Variants in TBC1D4 observed in about 807,000 individuals in gnomAD.
The protein encoded by TBC1D4 is TBC (Tre-2, BUB2, CDC16) domain-containing protein.
A neutral mutation model predicts 142.5 loss-of-function variants in TBC1D4; 121 were observed. The observed-to-expected ratio is 0.85, with a 90% CI of 0.73 to 0.99. TBC1D4 has a LOEUF of 0.99. TBC1D4 is among the 50% of genes least tolerant of loss of function. TBC1D4 has a pLI of 0.00. For synonymous variants in TBC1D4, 630 were observed against 628.2 expected (o/e 1.00, Z -0.04); for missense variants, 1,475 against 1,606.6 (o/e 0.92, Z 1.40).
chr13:75,343,924 T>C (rs1880935159), intron 5 of TBC1D4, among the ~76,000 whole-genome samples: 1 of 152,212 alleles, frequency 6.6e-6, no homozygotes, highest in Admixed American at 6.5e-5. Flanking sequence ...CACTGCAACC[T>C]CTGCCTCCTG....
chr13:75,390,624 C>G (rs901133873), intron 1 of TBC1D4, among the ~76,000 whole-genome samples: 1 of 152,018 alleles, frequency 6.6e-6, no homozygotes, highest in Non-Finnish European at 1.5e-5. Context: ...GCCTTGCTAA[C>G]AGTAATTCCT....
In TBC1D4 at chr13:75,284,864, G is replaced by A. The variant is rs1205990579; in HGVS notation, c.*1928C>T. 6.6e-6 allele frequency: 1 copy of A among 152,122 alleles called. No individual in the cohort carries two copies. The highest frequency in any genetic ancestry group is 2.4e-5 in the African/African-American group (1 of 41,430). The allele number at this position is 152,122 out of a possible 1,614,324, so 9.4% of individuals were successfully genotyped here. A position where few individuals can be genotyped will look rare whatever the true frequency, so the allele number is the denominator to read the frequency against. On this transcript the variant is annotated 3_prime_UTR_variant, in exon 21 of 21. Coordinates refer to ENST00000377636, the MANE Select transcript of TBC1D4 (RefSeq NM_014832.5). ...TGAACACCATAATATAACTCTTAAT[G>A]TTGATTCTAAACATCCAGGATAAAG...
chr13:75,405,166 C>A (rs1028864804), intron 1 of TBC1D4, among the ~76,000 whole-genome samples: 7 of 151,934 alleles, frequency 4.6e-5, no homozygotes, highest in South Asian at 2.1e-4. Flanking sequence ...GTGAAACAAA[C>A]CATGTCGCAG....
At chr13:75,398,677 A>C (rs753984684) in intron 1 of TBC1D4, among the ~76,000 whole-genome samples, 2 of 152,206 alleles carry the variant, frequency 1.3e-5, no homozygotes, top group African/African-American at 2.4e-5. Flanking sequence ...TATGGGTCCA[A>C]AAGTAAAGCT....
intron 7 of TBC1D4, 75 bp from the exon 8 acceptor site, chr13:75,337,115 G>T (rs1214358316): frequency 2.2e-6 from 3 of 1,390,662 alleles, no homozygotes; most frequent in Non-Finnish European, 3.0e-6. Context: ...ATAGGCTTAA[G>T]ACTAAGCTAT....
At chr13:75,382,128 C>A (rs975317450) in intron 1 of TBC1D4, among the ~76,000 whole-genome samples, 1 of 152,156 alleles carries the variant, frequency 6.6e-6, no homozygotes, top group Admixed American at 6.6e-5. Flanking sequence ...AATATCCTCA[C>A]CTCCAGCCTC....
chr13:75,462,669 G>T (rs1358811027), intron 1 of TBC1D4, among the ~76,000 whole-genome samples: 3 of 151,996 alleles, frequency 2.0e-5, no homozygotes, highest in Non-Finnish European at 4.4e-5. Context: ...TGGGCAAATT[G>T]GTTTGCTGAC....
chr13:75,416,706 T>C (rs1019837816), intron 1 of TBC1D4, among the ~76,000 whole-genome samples: 3 of 152,226 alleles, frequency 2.0e-5, no homozygotes, highest in Non-Finnish European at 4.4e-5. Flanking sequence ...TGCCAGGTTG[T>C]GGATAATAAA....
At chr13:75,443,596 T>C (rs999287411) in intron 1 of TBC1D4, among the ~76,000 whole-genome samples, 1 of 152,116 alleles carries the variant, frequency 6.6e-6, no homozygotes, top group African/African-American at 2.4e-5. Flanking sequence ...CGTCCCACCT[T>C]CCCTGTCTCT....
intron 1 of TBC1D4, among the ~76,000 whole-genome samples, chr13:75,396,813 T>A (rs2138330322): frequency 6.6e-6 from 1 of 152,242 alleles, no homozygotes; most frequent in Non-Finnish European, 1.5e-5. Flanking sequence ...ACTTGAGTAT[T>A]TCTTTGCCTA....
At chr13:75,400,904 T>G (rs1885058753) in intron 1 of TBC1D4, among the ~76,000 whole-genome samples, 1 of 152,088 alleles carries the variant, frequency 6.6e-6, no homozygotes, top group Admixed American at 6.5e-5. Flanking sequence ...CCATCAGCAA[T>G]GAGCACTCCA....
At chr13:75,294,588 G>A (rs1875692933) in intron 18 of TBC1D4, among the ~76,000 whole-genome samples, 1 of 152,080 alleles carries the variant, frequency 6.6e-6, no homozygotes, top group African/African-American at 2.4e-5. Context: ...TGATTTTTAG[G>A]CACAAATGAA....
At chr13:75,349,895 T>C (rs545249666) in intron 4 of TBC1D4, among the ~76,000 whole-genome samples, 11 of 152,336 alleles carry the variant, frequency 7.2e-5, no homozygotes, top group Non-Finnish European at 1.6e-4. Context: ...TTTGTGACAC[T>C]AAGAAGGTCT....
intron 15 of TBC1D4, among the ~76,000 whole-genome samples, chr13:75,303,548 G>A (rs975463404): frequency 6.6e-6 from 1 of 152,220 alleles, no homozygotes; most frequent in South Asian, 2.1e-4. Flanking sequence ...ATTCTGCACA[G>A]TGCAGGCAAC....
intron 1 of TBC1D4, among the ~76,000 whole-genome samples, chr13:75,441,223 T>G (rs1331612178): frequency 6.6e-6 from 1 of 152,102 alleles, no homozygotes; most frequent in African/African-American, 2.4e-5. Flanking sequence ...ACCACTGCAC[T>G]CCAGCTCGGG....
rs1267873434 is a variant in TBC1D4, at chr13:75,362,515, G to A, written c.591C>T (p.Tyr197=). 1 of 1,614,234 alleles carries A rather than the reference G, an allele frequency of 6.2e-7. No individual in the cohort carries two copies. Among genetic ancestry groups the A allele is most frequent in the Non-Finnish European group, 8.5e-7 (1 of 1,180,050 alleles). ...ACAGGACTTCGAACTTCTGAGAGTT[G>A]TAAAAGGCGTCCTCATTATCTTTGC... is the stretch of plus-strand genomic sequence containing the variant. ...KPSKDNEDAF[Y]NSQKFEVLYC... The change falls in exon 2 of 21, where the codon TAC becomes TAT. Residue 197 remains tyrosine (Y), a synonymous_variant. Transcript: ENST00000377636. The surrounding 1 kb of genome is among the most constrained non-coding windows in gnomAD (Gnocchi z 4.2).
chr13:75,346,878 A>G (rs1312888877), intron 5 of TBC1D4, among the ~76,000 whole-genome samples: 1 of 152,224 alleles, frequency 6.6e-6, no homozygotes, highest in African/African-American at 2.4e-5. Flanking sequence ...AGATGCATCC[A>G]TGTTGACACA....
intron 3 of TBC1D4, 94 bp downstream of exon 3, chr13:75,359,675 T>A (rs1882339014): frequency 8.1e-6 from 8 of 990,552 alleles, no homozygotes; most frequent in African/African-American, 1.7e-5. Context: ...TCAAAAAAAA[T>A]TAAAATTTGA....
chr13:75,296,356 T>C (rs1684414525), intron 17 of TBC1D4, among the ~76,000 whole-genome samples: 1 of 152,176 alleles, frequency 6.6e-6, no homozygotes, highest in African/African-American at 2.4e-5. Flanking sequence ...CAAAAAAGTC[T>C]AATTAGCAGC....
Sources: gnomAD v4.1 joint callset for allele counts (sites outside exome capture counted in the v4.1 genomes callset) on GRCh38, gnomAD v4.1.1 for gene constraint, Gnocchi (gnomAD v3.1) non-coding constraint, MANE v1.5 for transcripts, NCBI Gene and HGNC (gene_info 2026-07-23, HGNC 2026-07-21) for gene names.